TBC1D1: variants seen among roughly 807,000 people sequenced by gnomAD.
TBC1D1 encodes the protein TBC1 domain family member 1, also known as TBC1 (tre-2/USP6, BUB2, cdc16) domain family, member 1.
A neutral mutation model predicts 125.6 loss-of-function variants in TBC1D1; 89 were observed. The observed-to-expected ratio is 0.71, with a 90% confidence interval of 0.60 to 0.85. The LOEUF (loss-of-function observed/expected upper bound fraction) is 0.85. TBC1D1 is among the 40% of genes least tolerant of loss of function. TBC1D1 has a pLI of 0.00. For missense variants in TBC1D1, 1,377 were observed against 1,469.2 expected, an observed-to-expected ratio of 0.94 and a Z score of 1.03; for synonymous variants, 565 against 564.1, an observed-to-expected ratio of 1.00 and a Z score of -0.02.
chr4:38,110,677 T>C, intron 15 of TBC1D1: 3 of 985,474 alleles, frequency 3.0e-6, no homozygotes, highest in African/African-American at 1.7e-5. Context: ...TCATTTTATA[T>C]GTGAAGGTAA....
intron 15 of TBC1D1, chr4:38,110,333 T>C (rs918272192): frequency 3.1e-6 from 3 of 983,072 alleles, no homozygotes; most frequent in South Asian, 4.7e-5. Flanking sequence ...TTATTGAGTT[T>C]CTGATGCCTG....
At chr4:37,894,933 A>C (rs1287062104) in intron 1 of TBC1D1, among the ~76,000 whole-genome samples, 1 of 152,222 alleles carries the variant, frequency 6.6e-6, no homozygotes, top group Non-Finnish European at 1.5e-5. Context: ...ACAATTTATT[A>C]GTGAGGGAAC....
Position 38,089,824 on chromosome 4 carries a change from A to G in TBC1D1, c.2051-108A>G, listed in dbSNP as rs1000314523. 7.0e-6 allele frequency: 8 copies of G among 1,150,374 alleles called. No homozygotes were observed. The East Asian group carries it at 2.0e-4, about 29-fold the overall frequency. 71.3% of individuals were successfully genotyped at this position (1,150,374 alleles called of 1,614,324 possible). A position where few individuals can be genotyped will look rare whatever the true frequency, so the allele number is the denominator to read the frequency against. On this transcript the variant is annotated intron_variant, in intron 12 of 19. Transcript: ENST00000261439. ...ACACAGGAATTTTAAATTTGGTGAT[A>G]TTATTATATTTTATCTGAATGAACA...
At chr4:37,959,060 G>T (rs1404861429) in intron 2 of TBC1D1, among the ~76,000 whole-genome samples, 2 of 152,176 alleles carry the variant, frequency 1.3e-5, no homozygotes, top group Non-Finnish European at 2.9e-5. Flanking sequence ...AGCTAGCTGT[G>T]TCAGGTTAAG....
At chr4:38,052,710 ACACGCG>A (rs1482535196) in intron 11 of TBC1D1, among the ~76,000 whole-genome samples, 3 of 86,474 alleles carry the variant, frequency 3.5e-5, no homozygotes, top group African/African-American at 1.1e-4. Flanking sequence ...ATATACACAC[ACACGCG>A]CGCGCGCGCG....
At chr4:37,895,162 G>A (rs962490928) in intron 1 of TBC1D1, among the ~76,000 whole-genome samples, 2 of 152,184 alleles carry the variant, frequency 1.3e-5, no homozygotes, top group African/African-American at 2.4e-5. Flanking sequence ...TCACTTTTCT[G>A]TGCCACTATT....
chr4:37,925,456 G>A lies in TBC1D1; in HGVS notation c.417+22944G>A, dbSNP rs1721875417. ...GATACGACTGGTTGTGGTGGCTTAC[G>A]CCTGTAATCCCAGCACTTCGGGAGG... On this transcript the variant is annotated intron_variant, in intron 2 of 19. Transcript: ENST00000261439. Among the ~76,000 whole-genome samples, 14 of 152,248 alleles carry A rather than the reference G, an allele frequency of 9.2e-5. No homozygotes were observed. The South Asian group carries it at 2.3e-3, about 25-fold the overall frequency.
At chr4:37,959,426 T>C (rs1729547314) in intron 2 of TBC1D1, among the ~76,000 whole-genome samples, 1 of 152,166 alleles carries the variant, frequency 6.6e-6, no homozygotes, top group Non-Finnish European at 1.5e-5. Flanking sequence ...TCACCCTCAT[T>C]GTCTTCACGT....
intron 12 of TBC1D1, among the ~76,000 whole-genome samples, chr4:38,069,844 C>G (rs55897636): frequency 1.3e-5 from 2 of 148,378 alleles, no homozygotes; most frequent in East Asian, 4.3e-4. Context: ...GGCCTGCTTT[C>G]TTTCATTTTT....
chr4:37,977,143 C>A lies in TBC1D1; in HGVS notation c.418-37366C>A, dbSNP rs920274264. 1.3e-5 allele frequency among the ~76,000 whole-genome samples: 2 copies of A among 152,138 alleles called. No individual in the cohort carries two copies. Among genetic ancestry groups the A allele is most frequent in the African/African-American group, 4.8e-5 (2 of 41,448 alleles). ...CAGCCTCCAGGGTTTCCTGCGCAGCCCTGGGCATCTCGGAAGGGGGCGACC... is the reference window on the plus strand; with the variant it reads ...CAGCCTCCAGGGTTTCCTGCGCAGCACTGGGCATCTCGGAAGGGGGCGACC... On this transcript the variant is annotated intron_variant, in intron 2 of 19. Coordinates refer to ENST00000261439, the MANE Select transcript of TBC1D1 (RefSeq NM_015173.4). This position sits in a 1 kb window ranked among gnomAD's most constrained non-coding sequence, Gnocchi z 4.3.
Position 38,014,428 on chromosome 4 carries a change from C to T in TBC1D1, c.418-81C>T, listed in dbSNP as rs1742179726. 7 of 1,420,886 alleles carry T rather than the reference C, an allele frequency of 4.9e-6. No individual in the cohort carries two copies. Among genetic ancestry groups the T allele is most frequent in the Non-Finnish European group, 6.8e-6 (7 of 1,027,054 alleles). 88.0% of individuals were successfully genotyped at this position (1,420,886 alleles called of 1,614,324 possible). ...CGCAGTGGAGTAGCCAGCGGGGCGTCCCGAAAGAGCATGGTGCATTCATTC... is the reference window on the plus strand; with the variant it reads ...CGCAGTGGAGTAGCCAGCGGGGCGTTCCGAAAGAGCATGGTGCATTCATTC... On this transcript the variant is annotated intron_variant, in intron 2 of 19. Transcript: ENST00000261439. This position sits in a 1 kb window ranked among gnomAD's most constrained non-coding sequence, Gnocchi z 5.1.
chr4:38,056,385 G>T (rs1009086794), intron 12 of TBC1D1, among the ~76,000 whole-genome samples: 1 of 152,198 alleles, frequency 6.6e-6, no homozygotes, highest in African/African-American at 2.4e-5. Flanking sequence ...TGCTCCTTCC[G>T]TTGACCTGCC....
chr4:37,940,015 T>C (rs528788682), intron 2 of TBC1D1, among the ~76,000 whole-genome samples: 1 of 152,374 alleles, frequency 6.6e-6, no homozygotes, highest in African/African-American at 2.4e-5. Flanking sequence ...GGCTCTTTTT[T>C]GGTTCCATAT....
intron 2 of TBC1D1, among the ~76,000 whole-genome samples, chr4:37,980,246 A>G (rs1475322928): frequency 6.6e-6 from 1 of 152,252 alleles, no homozygotes. Context: ...CTTTTAAAAA[A>G]AATTGGACAT....
At chr4:38,108,488 A>G (rs1213227092) in intron 15 of TBC1D1, among the ~76,000 whole-genome samples, 4 of 152,210 alleles carry the variant, frequency 2.6e-5, no homozygotes, top group Non-Finnish European at 5.9e-5. Flanking sequence ...CAGTAAGGGG[A>G]TGGCACAGTT....
intron 2 of TBC1D1, among the ~76,000 whole-genome samples, chr4:37,942,024 T>C (rs565826253): frequency 1.3e-5 from 2 of 152,342 alleles, no homozygotes; most frequent in South Asian, 2.1e-4. Flanking sequence ...GAGAGTTCTG[T>C]AGATGTCTAT....
chr4:38,084,136 G>T (rs1274626164), intron 12 of TBC1D1, among the ~76,000 whole-genome samples: 1 of 152,032 alleles, frequency 6.6e-6, no homozygotes, highest in Non-Finnish European at 1.5e-5. Flanking sequence ...GGGTTTCACC[G>T]TGTTAGCCAG....
chr4:38,104,672 G>A (rs772902542), intron 15 of TBC1D1, among the ~76,000 whole-genome samples: 34 of 152,122 alleles, frequency 2.2e-4, no homozygotes, highest in Non-Finnish European at 2.9e-4. Flanking sequence ...AGTGTGAGCC[G>A]CATCAGGCAG....
chr4:38,126,307 T>C (rs970627436), intron 18 of TBC1D1, among the ~76,000 whole-genome samples: 5 of 152,232 alleles, frequency 3.3e-5, no homozygotes, highest in African/African-American at 1.2e-4. Flanking sequence ...AACACACAAC[T>C]GTGTAACGAA....
Sources: gnomAD v4.1 joint callset for allele counts (sites outside exome capture counted in the v4.1 genomes callset) on GRCh38, gnomAD v4.1.1 for gene constraint, Gnocchi (gnomAD v3.1) non-coding constraint, MANE v1.5 for transcripts, NCBI Gene and HGNC (gene_info 2026-07-23, HGNC 2026-07-21) for gene names.